Variants in CERS3 observed in about 807,000 individuals in gnomAD.
The protein encoded by CERS3 is ceramide synthase 3, also known as LAG1 homolog, ceramide synthase 3.
CERS3 carries 33 observed loss-of-function variants against 50.3 expected under a neutral mutation model. The ratio of observed to expected loss-of-function variants is 0.66; its 90% confidence interval spans 0.50 to 0.88. CERS3 has a LOEUF of 0.88. CERS3 is among the 40% of genes least tolerant of loss of function. The pLI, the probability that CERS3 is intolerant of heterozygous loss-of-function variation, is 0.00. For synonymous variants in CERS3, 176 were observed against 155.2 expected (o/e 1.13, Z -0.99); for missense variants, 470 against 460.3 (o/e 1.02, Z -0.19).
chr15:100,419,246 G>A, intron 11 of CERS3, among the ~76,000 whole-genome samples: 1 of 126,222 alleles, frequency 7.9e-6, no homozygotes, highest in African/African-American at 3.0e-5. Context: ...GATCTACCAA[G>A]CCAATGGAAA....
chr15:100,434,725 A>G (rs953296919), intron 11 of CERS3, among the ~76,000 whole-genome samples: 1 of 152,220 alleles, frequency 6.6e-6, no homozygotes, highest in Non-Finnish European at 1.5e-5. Context: ...AAACTCTCAT[A>G]TCCTGCTGTG....
chr15:100,476,395 T>A (rs573382038), intron 7 of CERS3, among the ~76,000 whole-genome samples: 2 of 152,214 alleles, frequency 1.3e-5, no homozygotes, highest in Non-Finnish European at 2.9e-5. Context: ...CAAACCCAAG[T>A]TGAATGTTTT....
chr15:100,519,508 G>A (rs2036583868), intron 2 of CERS3, among the ~76,000 whole-genome samples: 2 of 152,132 alleles, frequency 1.3e-5, no homozygotes, highest in Non-Finnish European at 1.5e-5. Flanking sequence ...ATATACATAC[G>A]AAAGACACTA....
At chr15:100,510,901 C>T (rs917988233) in intron 2 of CERS3, among the ~76,000 whole-genome samples, 1 of 152,114 alleles carries the variant, frequency 6.6e-6, no homozygotes, top group Non-Finnish European at 1.5e-5. Context: ...TCTAATAATA[C>T]AGAGAAAATA....
intron 9 of CERS3, among the ~76,000 whole-genome samples, chr15:100,469,919 G>A (rs1277293418): frequency 6.6e-6 from 1 of 152,066 alleles, no homozygotes; most frequent in Non-Finnish European, 1.5e-5. Flanking sequence ...GAATGCTGCA[G>A]TCAAGGAGGC....
intron 1 of CERS3, among the ~76,000 whole-genome samples, chr15:100,543,353 C>G (rs2037247460): frequency 6.6e-6 from 1 of 152,156 alleles, no homozygotes; most frequent in African/African-American, 2.4e-5. Context: ...TCTCTACACT[C>G]CACATACTAC....
At chr15:100,533,474 A>G (rs995362782), upstream of CERS3, among the ~76,000 whole-genome samples, 2 of 150,982 alleles carry the variant, frequency 1.3e-5, no homozygotes, top group Admixed American at 1.3e-4. Flanking sequence ...GGACCAATTC[A>G]TTGGGTTCTT....
chr15:100,486,719 C>T (rs1280024186), intron 4 of CERS3, among the ~76,000 whole-genome samples: 1 of 152,128 alleles, frequency 6.6e-6, no homozygotes, highest in East Asian at 1.9e-4. Context: ...GGCTCTGGGC[C>T]TAGCTTTACT....
intron 1 of CERS3, among the ~76,000 whole-genome samples, chr15:100,536,537 G>T (rs1292556278): frequency 6.6e-6 from 1 of 152,152 alleles, no homozygotes; most frequent in Non-Finnish European, 1.5e-5. Flanking sequence ...TGCTCACCTT[G>T]GCCTCCCAAA....
intron 11 of CERS3, among the ~76,000 whole-genome samples, chr15:100,430,961 T>A (rs80278866): frequency 6.6e-6 from 1 of 152,176 alleles, no homozygotes; most frequent in Non-Finnish European, 1.5e-5. Context: ...CTTCCCAAAC[T>A]GTAACATGCT....
chr15:100,444,880 C>A (rs1479289906), intron 11 of CERS3, among the ~76,000 whole-genome samples: 2 of 152,148 alleles, frequency 1.3e-5, no homozygotes, highest in African/African-American at 4.8e-5. Context: ...CTCGGTTTGG[C>A]CTTCCCACCT....
intron 3 of CERS3, among the ~76,000 whole-genome samples, chr15:100,498,552 A>C (rs1567664014): frequency 6.6e-6 from 1 of 152,166 alleles, no homozygotes; most frequent in African/African-American, 2.4e-5. Flanking sequence ...AAATGGTTCA[A>C]AGTTAGGTTA....
At chr15:100,417,601 C>T (rs1289962799) in intron 11 of CERS3, among the ~76,000 whole-genome samples, 5 of 151,984 alleles carry the variant, frequency 3.3e-5, no homozygotes, top group Non-Finnish European at 5.9e-5. Flanking sequence ...GGCCTGCCTG[C>T]CTCTGTAGGC....
intron 11 of CERS3, among the ~76,000 whole-genome samples, chr15:100,414,692 T>C (rs1205214287): frequency 2.6e-5 from 4 of 152,040 alleles, no homozygotes; most frequent in Non-Finnish European, 5.9e-5. Flanking sequence ...GATTCCCTAT[T>C]TAATAAATGG....
intron 11 of CERS3, among the ~76,000 whole-genome samples, chr15:100,410,036 C>A (rs7162026): frequency 0.55 from 83,111 of 152,032 alleles, 22,954 homozygotes; most frequent in Non-Finnish European, 0.58. Context: ...GCATATTGCT[C>A]TTCTGATAAC....
At chr15:100,433,150 C>T (rs947507064) in intron 11 of CERS3, among the ~76,000 whole-genome samples, 7 of 151,600 alleles carry the variant, frequency 4.6e-5, no homozygotes, top group African/African-American at 7.3e-5. Context: ...GCAGGAGAAT[C>T]GCTTGAACCC....
At chr15:100,444,465 C>G (rs1182920130) in intron 11 of CERS3, among the ~76,000 whole-genome samples, 2 of 152,196 alleles carry the variant, frequency 1.3e-5, no homozygotes, top group Admixed American at 6.5e-5. Flanking sequence ...TGCTTCTCAC[C>G]CTGATCACAC....
At chr15:100,501,655 G>T (rs1416924464) in intron 3 of CERS3, 22 bp downstream of exon 3, 4 of 1,589,318 alleles carry the variant, frequency 2.5e-6, no homozygotes, top group Non-Finnish European at 3.5e-6. Context: ...GAATGGGAAG[G>T]AAAGACACAA....
rs1442729297 is a variant in CERS3 at position 100,484,541 on chromosome 15, C to T, written c.407+9G>A. The T allele has an allele frequency of 1.9e-6, 3 of 1,580,230 alleles. No individual in the cohort carries two copies. Among genetic ancestry groups the T allele is most frequent in the South Asian group, 2.2e-5 (2 of 90,414 alleles). On this transcript the variant is annotated intron_variant, in intron 5 of 11. Transcript: ENST00000679737. The stretch of plus-strand genomic sequence containing the variant: ...GCAGCATTCCTAAAGCTTGGCCCAT[C>T]CTCCTTACCAAGCTTCCTGGAATTT...
Sources: allele counts gnomAD v4.1 joint callset (sites outside exome capture counted in the v4.1 genomes callset), GRCh38; gene constraint gnomAD v4.1.1; transcripts MANE v1.5; gene names NCBI Gene and HGNC (gene_info 2026-07-23, HGNC 2026-07-21).